RUNX2: variants seen among roughly 807,000 people sequenced by gnomAD.
The protein encoded by RUNX2 is RUNX family transcription factor 2.
A neutral mutation model predicts 51.7 loss-of-function variants in RUNX2; 10 were observed. The ratio of observed to expected loss-of-function variants is 0.19; its 90% CI spans 0.12 to 0.33. The LOEUF is 0.33. Ranked by LOEUF, RUNX2 falls within the 10% of genes least tolerant of loss-of-function variation. The pLI is 1.00. For synonymous variants in RUNX2, 276 were observed against 273.6 expected (o/e 1.01, Z -0.09); for missense variants, 562 against 691.3 (o/e 0.81, Z 2.10).
At chr6:45,432,482 CAT>C (rs1408577452) in intron 4 of RUNX2, among the ~76,000 whole-genome samples, 1 of 152,080 alleles carries the variant, frequency 6.6e-6, no homozygotes, top group Non-Finnish European at 1.5e-5. Flanking sequence ...AATTTACTCT[CAT>C]AGTAAGAATT....
intron 5 of RUNX2, among the ~76,000 whole-genome samples, chr6:45,451,730 A>C (rs1310981835): frequency 6.6e-6 from 1 of 152,218 alleles, no homozygotes; most frequent in Non-Finnish European, 1.5e-5. Flanking sequence ...TCTTGACTAT[A>C]AGAATTGTTA....
chr6:45,545,544 C>A (rs185161880), intron 8 of RUNX2, among the ~76,000 whole-genome samples: 23 of 152,208 alleles, frequency 1.5e-4, no homozygotes, highest in Admixed American at 7.2e-4. Context: ...ATCGTAATAT[C>A]CAAGAACAAG....
chr6:45,375,128 A>G (rs1350080168), intron 2 of RUNX2, among the ~76,000 whole-genome samples: 1 of 152,134 alleles, frequency 6.6e-6, no homozygotes, highest in Non-Finnish European at 1.5e-5. Flanking sequence ...AATCGCTTGA[A>G]CCCAGGAGGG....
At chr6:45,420,787 C>A (rs138187495) in intron 2 of RUNX2, among the ~76,000 whole-genome samples, 5 of 152,322 alleles carry the variant, frequency 3.3e-5, no homozygotes, top group Middle Eastern at 3.4e-3. Flanking sequence ...TCTGCGGGCG[C>A]AGCACATTGT....
At chr6:45,400,732 A>G (rs1797698857) in intron 2 of RUNX2, among the ~76,000 whole-genome samples, 1 of 152,220 alleles carries the variant, frequency 6.6e-6, no homozygotes, top group South Asian at 2.1e-4. Context: ...TATTATTGAA[A>G]GACACCATCT....
At chr6:45,515,994 A>G (rs1029580241) in intron 7 of RUNX2, among the ~76,000 whole-genome samples, 1 of 152,176 alleles carries the variant, frequency 6.6e-6, no homozygotes, top group Non-Finnish European at 1.5e-5. Context: ...ATCTACCTAA[A>G]GACCTTCAGA....
intron 7 of RUNX2, among the ~76,000 whole-genome samples, chr6:45,529,065 A>G (rs1801762836): frequency 6.6e-6 from 1 of 152,230 alleles, no homozygotes; most frequent in Non-Finnish European, 1.5e-5. Flanking sequence ...ACCATGCCCT[A>G]AAAGGAGATT....
intron 2 of RUNX2, among the ~76,000 whole-genome samples, chr6:45,356,272 G>T (rs185647896): frequency 1.3e-5 from 2 of 151,518 alleles, no homozygotes; most frequent in Admixed American, 6.6e-5. Flanking sequence ...GCAAAAGATG[G>T]CATACTCATT....
At chr6:45,333,298 C>T (rs1471809966) in intron 2 of RUNX2, among the ~76,000 whole-genome samples, 1 of 151,542 alleles carries the variant, frequency 6.6e-6, no homozygotes, top group Non-Finnish European at 1.5e-5. Context: ...TTTTTAACCA[C>T]AGTCAACCAC....
rs967589 is a variant in RUNX2, at chr6:45,338,789, A to G, written c.58+10005A>G. Among the ~76,000 whole-genome samples, 299 of 152,194 alleles carry G rather than the reference A, an allele frequency of 2.0e-3. 3 individuals carry two copies. Among genetic ancestry groups the G allele is most frequent in the African/African-American group, 6.9e-3 (286 of 41,562 alleles). Reference sequence around the variant, plus strand: ...AATAAAAATAATTTATATGCAGCCTATTTCTCTGGATGAGACAAGGGAGGC... The same window carrying G: ...AATAAAAATAATTTATATGCAGCCTGTTTCTCTGGATGAGACAAGGGAGGC... On this transcript the variant is annotated intron_variant, in intron 2 of 8. Transcript: ENST00000647337.
intron 7 of RUNX2, among the ~76,000 whole-genome samples, chr6:45,522,988 C>A (rs1030039907): frequency 6.6e-6 from 1 of 152,142 alleles, no homozygotes; most frequent in Non-Finnish European, 1.5e-5. Flanking sequence ...AATCAAACAA[C>A]GTTGTTGCTC....
At chr6:45,345,148 A>G (rs1317515375) in intron 2 of RUNX2, among the ~76,000 whole-genome samples, 1 of 152,214 alleles carries the variant, frequency 6.6e-6, no homozygotes, top group Admixed American at 6.5e-5. Flanking sequence ...ACAAGATGTC[A>G]GAATACTTAT....
At chr6:45,447,301 T>A (rs1799030714) in intron 5 of RUNX2, among the ~76,000 whole-genome samples, 2 of 152,214 alleles carry the variant, frequency 1.3e-5, no homozygotes, top group African/African-American at 4.8e-5. Context: ...GCATTCCTGA[T>A]GCTTTCCAGT....
intron 2 of RUNX2, among the ~76,000 whole-genome samples, chr6:45,372,958 G>A (rs933794269): frequency 2.0e-5 from 3 of 151,968 alleles, no homozygotes; most frequent in East Asian, 3.9e-4. Flanking sequence ...GCAGGTGCAC[G>A]CCAAGACACG....
chr6:45,351,832 C>T (rs1387753362), intron 2 of RUNX2, among the ~76,000 whole-genome samples: 2 of 152,168 alleles, frequency 1.3e-5, no homozygotes, highest in African/African-American at 2.4e-5. Context: ...TTTCCCAGCC[C>T]TATGCCCAGC....
chr6:45,353,718 G>A (rs62400330), intron 2 of RUNX2, among the ~76,000 whole-genome samples: 34,305 of 151,710 alleles, frequency 0.23, 4,546 homozygotes, highest in Non-Finnish European at 0.31. Flanking sequence ...AGGACATTCT[G>A]TCAAAGACAG....
intron 3 of RUNX2, among the ~76,000 whole-genome samples, chr6:45,430,108 A>T (rs887802365): frequency 2.1e-5 from 3 of 146,112 alleles, no homozygotes; most frequent in Non-Finnish European, 3.0e-5. Flanking sequence ...AAAAAAAAAA[A>T]TTAATAAAAC....
At chr6:45,445,069 G>A (rs941593042) in intron 5 of RUNX2, among the ~76,000 whole-genome samples, 3 of 152,138 alleles carry the variant, frequency 2.0e-5, no homozygotes, top group Admixed American at 2.0e-4. Context: ...CTGTCTCCCA[G>A]GCTGGAGTGC....
At chr6:45,337,484 T>G (rs967808274) in intron 2 of RUNX2, among the ~76,000 whole-genome samples, 2 of 151,750 alleles carry the variant, frequency 1.3e-5, no homozygotes, top group African/African-American at 4.8e-5. Context: ...AAATCTTATT[T>G]TTTTAAGCTG....
Sources: gnomAD v4.1 joint callset for allele counts (sites outside exome capture counted in the v4.1 genomes callset) on GRCh38, gnomAD v4.1.1 for gene constraint, MANE v1.5 for transcripts, NCBI Gene and HGNC (gene_info 2026-07-23, HGNC 2026-07-21) for gene names.